The following PCDH11X variants were observed in gnomAD, a reference collection of about 807,000 sequenced individuals.
PCDH11X encodes the protein protocadherin 11 X-linked, also known as protocadherin-11 X-linked.
Under a neutral mutation model 53.3 loss-of-function variants are expected in PCDH11X, and 18 were observed. That is an observed-to-expected ratio of 0.34 (90% CI 0.23 to 0.50). PCDH11X has a LOEUF of 0.50. Ranked by LOEUF, PCDH11X falls within the 20% of genes least tolerant of loss-of-function variation. The pLI is 0.98. For synonymous variants in PCDH11X, 279 were observed against 393.3 expected (o/e 0.71, Z 3.44); for missense variants, 570 against 1,032.4 (o/e 0.55, Z 6.14).
intron 8 of PCDH11X, among the ~76,000 whole-genome samples, chrX:92,280,736 C>T (rs1839576341): frequency 9.2e-6 from 1 of 109,167 alleles, no homozygotes; most frequent in African/African-American, 3.3e-5. Flanking sequence ...AATTGAGTTA[C>T]TTTGAACAAA....
At chrX:92,284,121 A>G (rs761404462) in intron 8 of PCDH11X, among the ~76,000 whole-genome samples, 54 of 109,088 alleles carry the variant, frequency 5.0e-4, no homozygotes, top group Non-Finnish European at 8.6e-4. Context: ...TTAGAGTTCT[A>G]TTGATACTCA....
intron 10 of PCDH11X, among the ~76,000 whole-genome samples, chrX:92,544,664 G>A (rs1484982097): frequency 9.1e-6 from 1 of 110,443 alleles, no homozygotes; most frequent in Non-Finnish European, 1.9e-5. Context: ...CCCATCATAT[G>A]GTTTCATTTT....
chrX:92,196,490 T>G (rs1049561707), intron 6 of PCDH11X, among the ~76,000 whole-genome samples: 1 of 111,633 alleles, frequency 9.0e-6, no homozygotes, highest in African/African-American at 3.2e-5. Flanking sequence ...AGAGGCTTCT[T>G]CCAACTAGAG....
At chrX:91,848,139 A>G (rs770596631) in intron 5 of PCDH11X, among the ~76,000 whole-genome samples, 23 of 111,447 alleles carry the variant, frequency 2.1e-4, no homozygotes, top group Admixed American at 1.8e-3. Context: ...AGCTTTCCAA[A>G]ATGAGGTTTT....
chrX:92,479,341 G>A (rs1246991086), intron 10 of PCDH11X, among the ~76,000 whole-genome samples: 2 of 110,223 alleles, frequency 1.8e-5, no homozygotes, highest in Admixed American at 1.9e-4. Flanking sequence ...TTAATTGAGA[G>A]CATTTAGCTT....
chrX:92,444,434 CAG>C (rs1326556263), intron 9 of PCDH11X, among the ~76,000 whole-genome samples: 1 of 98,161 alleles, frequency 1.0e-5, no homozygotes, highest in South Asian at 5.3e-4. Flanking sequence ...AACTTTTTGA[CAG>C]AGTCTTTAGG....
intron 4 of PCDH11X, among the ~76,000 whole-genome samples, chrX:91,811,562 G>C (rs1936293597): frequency 9.0e-6 from 1 of 110,822 alleles, no homozygotes; most frequent in Admixed American, 9.7e-5. Context: ...TACCTGGATT[G>C]GCCTGGATGG....
intron 10 of PCDH11X, among the ~76,000 whole-genome samples, chrX:92,553,997 A>G (rs887623926): frequency 9.0e-6 from 1 of 110,807 alleles, no homozygotes; most frequent in African/African-American, 3.3e-5. Context: ...GTTTTACTCA[A>G]ATTGGAAGAA....
At chrX:92,411,988 A>AGGAGGGG (rs2071679287) in intron 9 of PCDH11X, among the ~76,000 whole-genome samples, 1 of 10,947 alleles carries the variant, frequency 9.1e-5, no homozygotes, top group Non-Finnish European at 1.9e-4. Context: ...AAGAAGAAGA[A>AGGAGGGG]GGGGAGGAGG....
At position 92,351,503 on chromosome X, in the gene PCDH11X, A is replaced by C. The variant is rs769202189; in HGVS notation, c.3145-36232A>C. 5.4e-5 allele frequency among the ~76,000 whole-genome samples: 6 copies of C among 110,651 alleles called. No homozygotes were observed. In the East Asian group the frequency reaches 1.7e-3, roughly 31 times the overall value. ...GAATAATTTTCTAAGATCTGTAACT[A>C]TGAAATTCTATTTTATCTTACTGAT... On this transcript the variant is annotated intron_variant, in intron 8 of 10. Transcript: ENST00000682573.
chrX:92,470,664 T>C (rs2073244008), intron 10 of PCDH11X, among the ~76,000 whole-genome samples: 2 of 111,920 alleles, frequency 1.8e-5, no homozygotes, highest in East Asian at 5.6e-4. Context: ...AATGAAGGAA[T>C]GTTGAATTTA....
chrX:91,972,367 G>A (rs1452164342), intron 6 of PCDH11X, among the ~76,000 whole-genome samples: 1 of 85,096 alleles, frequency 1.2e-5, no homozygotes, highest in Non-Finnish European at 2.3e-5. Context: ...CAGATGAGTA[G>A]GTTGCGAAAA....
intron 10 of PCDH11X, among the ~76,000 whole-genome samples, chrX:92,587,738 A>G (rs371696902): frequency 3.7e-5 from 4 of 106,821 alleles, no homozygotes; most frequent in South Asian, 8.4e-4. Context: ...AGAGATATTG[A>G]AGTAATATTC....
intron 7 of PCDH11X, among the ~76,000 whole-genome samples, chrX:92,232,090 TTCA>T (rs1236681250): frequency 8.9e-6 from 1 of 112,399 alleles, no homozygotes; most frequent in East Asian, 2.8e-4. Flanking sequence ...TATTCATTTA[TTCA>T]TCGATCTTGA....
intron 6 of PCDH11X, among the ~76,000 whole-genome samples, chrX:91,986,528 C>T (rs1400199899): frequency 2.8e-5 from 3 of 108,633 alleles, no homozygotes; most frequent in Non-Finnish European, 5.7e-5. Flanking sequence ...GGTTAAAGGC[C>T]CAACAGAACT....
intron 4 of PCDH11X, among the ~76,000 whole-genome samples, chrX:91,824,292 C>T (rs1936817625): frequency 9.0e-6 from 1 of 110,616 alleles, no homozygotes; most frequent in African/African-American, 3.3e-5. Flanking sequence ...TTCCATTCTC[C>T]CCATCACTTT....
chrX:91,807,618 C>T (rs1936162841), intron 1 of PCDH11X, among the ~76,000 whole-genome samples: 1 of 111,172 alleles, frequency 9.0e-6, no homozygotes, highest in South Asian at 3.8e-4. Context: ...TGTTAGCAAA[C>T]TGTGTATTCA....
chrX:91,836,262 G>T lies in PCDH11X; in HGVS notation c.540+218G>T. 2.8e-5 allele frequency among the ~76,000 whole-genome samples: 3 copies of T among 107,704 alleles called. No individual in the cohort carries two copies. In the Middle Eastern group the frequency reaches 0.014, roughly 506 times the overall value. 93.5% of individuals were successfully genotyped at this position (107,704 alleles called of 115,157 possible). Reference sequence around the variant, plus strand: ...TATGTATATTCATTTTCAAACAGCTGTGTTTCCATTAATCTATAAAGGGAT... The same window carrying T: ...TATGTATATTCATTTTCAAACAGCTTTGTTTCCATTAATCTATAAAGGGAT... On this transcript the variant is annotated intron_variant, in intron 5 of 10. Transcript: ENST00000682573.
At chrX:92,419,959 C>T (rs1318921787) in intron 9 of PCDH11X, among the ~76,000 whole-genome samples, 2 of 110,940 alleles carry the variant, frequency 1.8e-5, no homozygotes, top group Admixed American at 9.6e-5. Context: ...GAATTACAGG[C>T]GTGAGCCACC....
Sources: gnomAD v4.1 joint callset for allele counts (sites outside exome capture counted in the v4.1 genomes callset) on GRCh38, gnomAD v4.1.1 for gene constraint, MANE v1.5 for transcripts, NCBI Gene and HGNC (gene_info 2026-07-23, HGNC 2026-07-21) for gene names.